The following C2orf42 variants were observed in gnomAD, a reference collection of about 807,000 sequenced individuals.
C2orf42 encodes uncharacterized protein C2orf42.
Under a neutral mutation model 58.9 loss-of-function variants are expected in C2orf42, and 44 were observed. The observed-to-expected ratio is 0.75, with a 90% CI of 0.59 to 0.96. C2orf42 has a LOEUF of 0.96. Ranked by LOEUF, C2orf42 falls within the 40% of genes least tolerant of loss-of-function variation. The probability of loss-of-function intolerance (pLI) is 0.00; values close to 1 mark genes in which losing one functional copy is unlikely to be tolerated. For missense variants in C2orf42, 630 were observed against 699.2 expected, an observed-to-expected ratio of 0.90 and a Z score of 1.12; for synonymous variants, 239 against 265.4, an observed-to-expected ratio of 0.90 and a Z score of 0.97.
In C2orf42 at chr2:70,181,714, T is replaced by TC. The variant is rs1167550144; in HGVS notation, c.271dup (p.Glu91GlyfsTer96). 1 of 1,614,142 alleles carries TC rather than the reference T, an allele frequency of 6.2e-7. No individual in the cohort carries two copies. The highest frequency in any genetic ancestry group is 8.5e-7 in the Non-Finnish European group (1 of 1,180,034). ...GATTGTTGTCTCTGAAACCCCGAGCTCCACAAAGCATCGGTAATCAGGGCC... is the reference window on the plus strand; with the variant it reads ...GATTGTTGTCTCTGAAACCCCGAGCTCCCACAAAGCATCGGTAATCAGGGCC... On this transcript the variant is annotated frameshift_variant, in exon 3 of 10. Coordinates refer to ENST00000264434, the MANE Select transcript of C2orf42 (RefSeq NM_017880.3). LOFTEE classifies it high-confidence loss of function.
In C2orf42 at chr2:70,165,205, A is replaced by C. The variant is rs1176713561; in HGVS notation, c.1253-13T>G. On this transcript the variant is annotated splice_polypyrimidine_tract_variant and intron_variant, in intron 7 of 9. Coordinates refer to ENST00000264434, the MANE Select transcript of C2orf42 (RefSeq NM_017880.3). ...TTCCGAACAAAAGCTTCAACGTGAA[A>C]AAAGGACAAAATTAGATTACCAAAA... 5 of 1,490,520 alleles carry C rather than the reference A, an allele frequency of 3.4e-6. No homozygotes were observed. The African/African-American group carries it at 7.0e-5, about 21-fold the overall frequency. 92.3% of individuals were successfully genotyped at this position (1,490,520 alleles called of 1,614,324 possible). A position where few individuals can be genotyped will look rare whatever the true frequency, so the allele number is the denominator to read the frequency against.
At position 70,155,896 on chromosome 2, in the gene C2orf42, C is replaced by G. The variant is rs564886588; in HGVS notation, c.1516+4729G>C. Among the ~76,000 whole-genome samples, 143 of 152,226 alleles carry G rather than the reference C, an allele frequency of 9.4e-4. 1 individual carries two copies. Among genetic ancestry groups the G allele is most frequent in the African/African-American group, 3.2e-3 (135 of 41,546 alleles). Reference sequence around the variant, plus strand: ...ACTGGCCGAGTGCAGTGGCTCATGCCTATAATCCCAGCACTTTGGGAGGCT... The same window carrying G: ...ACTGGCCGAGTGCAGTGGCTCATGCGTATAATCCCAGCACTTTGGGAGGCT... On this transcript the variant is annotated intron_variant, in intron 9 of 9. Coordinates refer to ENST00000264434, the MANE Select transcript of C2orf42 (RefSeq NM_017880.3).
intron 4 of C2orf42, among the ~76,000 whole-genome samples, chr2:70,177,090 G>A (rs1674241200): frequency 6.6e-6 from 1 of 151,918 alleles, no homozygotes; most frequent in Admixed American, 6.6e-5. Flanking sequence ...TGGCCAACAT[G>A]GTGAAACCTC....
intron 9 of C2orf42, among the ~76,000 whole-genome samples, chr2:70,155,524 T>A (rs2104834132): frequency 6.6e-6 from 1 of 151,666 alleles, no homozygotes; most frequent in African/African-American, 2.4e-5. Flanking sequence ...TTAGGCCGGG[T>A]GTGGTGGCTC....
chr2:70,183,637 C>G (rs906036102), intron 1 of C2orf42, among the ~76,000 whole-genome samples: 1 of 150,642 alleles, frequency 6.6e-6, no homozygotes, highest in African/African-American at 2.4e-5. Flanking sequence ...CACTGTGTTT[C>G]GATCTCCTGA....
intron 9 of C2orf42, among the ~76,000 whole-genome samples, chr2:70,153,660 A>G (rs1008021927): frequency 7.3e-6 from 1 of 137,348 alleles, no homozygotes; most frequent in Non-Finnish European, 1.5e-5. Context: ...ATAAGTAAAG[A>G]AAAGAACAGG....
At chr2:70,170,741 G>C (rs1400642189) in intron 5 of C2orf42, among the ~76,000 whole-genome samples, 1 of 138,924 alleles carries the variant, frequency 7.2e-6, no homozygotes, top group Non-Finnish European at 1.5e-5. Flanking sequence ...GCAAGAGTGA[G>C]ACTCTAAAAA....
chr2:70,175,534 G>A (rs1485721278), intron 5 of C2orf42, 139 bp downstream of exon 5: 1 of 695,024 alleles, frequency 1.4e-6, no homozygotes, highest in Non-Finnish European at 2.6e-6. Context: ...TGGTGGGACA[G>A]GAGGGACCTC....
In C2orf42 at chr2:70,150,234, C is replaced by T; in HGVS notation, c.*122G>A. 1.3e-6 allele frequency: 1 copy of T among 760,392 alleles called. No individual in the cohort carries two copies. Among genetic ancestry groups the T allele is most frequent in the Middle Eastern group, 3.8e-4 (1 of 2,604 alleles). The allele number at this position is 760,392 out of a possible 1,614,324, so 47.1% of individuals were successfully genotyped here. Reference sequence around the variant, plus strand: ...TCCACTTGAAAGCACTGAGAATTTGCATCTTAGCTAAGAGCAGTTTACCAA... The same window carrying T: ...TCCACTTGAAAGCACTGAGAATTTGTATCTTAGCTAAGAGCAGTTTACCAA... On this transcript the variant is annotated 3_prime_UTR_variant, in exon 10 of 10. Transcript: ENST00000264434.
chr2:70,176,318 C>T (rs1030259233), intron 4 of C2orf42, among the ~76,000 whole-genome samples: 18 of 152,046 alleles, frequency 1.2e-4, no homozygotes, highest in Admixed American at 6.6e-4. Context: ...TCCTGGCTAA[C>T]ATGGTGAAAC....
chr2:70,158,166 T>A (rs1572972962), intron 9 of C2orf42, among the ~76,000 whole-genome samples: 1 of 146,510 alleles, frequency 6.8e-6, no homozygotes, highest in African/African-American at 2.5e-5. Context: ...ACTGCTGCAC[T>A]CCAGCCTGAG....
intron 1 of C2orf42, among the ~76,000 whole-genome samples, chr2:70,183,803 T>TA (rs1674744739): frequency 1.3e-5 from 2 of 151,334 alleles, no homozygotes; most frequent in Non-Finnish European, 2.9e-5. Context: ...CTAATAGTAA[T>TA]ACATCACATT....
At chr2:70,167,777 C>T (rs1453574392) in intron 6 of C2orf42, among the ~76,000 whole-genome samples, 1 of 151,806 alleles carries the variant, frequency 6.6e-6, no homozygotes, top group Non-Finnish European at 1.5e-5. Context: ...AGGTAAAACA[C>T]ACACACTCAT....
At chr2:70,175,624 T>C (rs1674135373) in intron 5 of C2orf42, 49 bp downstream of exon 5, 2 of 1,077,480 alleles carry the variant, frequency 1.9e-6, no homozygotes, top group Non-Finnish European at 2.9e-6. Context: ...CTGGCTTCTT[T>C]AGGATGACTT....
intron 9 of C2orf42, among the ~76,000 whole-genome samples, chr2:70,152,806 G>A (rs1039523922): frequency 6.6e-6 from 1 of 152,132 alleles, no homozygotes; most frequent in Non-Finnish European, 1.5e-5. Context: ...AGGCCAAGCC[G>A]GGCAGATCAT....
chr2:70,175,775 C>A lies in C2orf42; in HGVS notation c.937G>T (p.Ala313Ser). The change falls in exon 5 of 10, where the codon GCA (alanine) becomes TCA (serine). Residue 313 changes from alanine to serine, a missense_variant and splice_region_variant. Transcript: ENST00000264434. ...GGCAGTAGTGAACTGTTCATCTGTG[C>A]ACCTAAACCACAAATCATTACAGGT... Reference protein sequence around the residue: ...KKRRKDEVSGAQMNSSLLPQD... With the variant: ...KKRRKDEVSGSQMNSSLLPQD... The A allele has an allele frequency of 6.4e-7, 1 of 1,574,426 alleles. No homozygotes were observed. Among genetic ancestry groups the A allele is most frequent in the South Asian group, 1.1e-5 (1 of 90,256 alleles).
chr2:70,155,933 A>G (rs1272750055), intron 9 of C2orf42, among the ~76,000 whole-genome samples: 1 of 152,218 alleles, frequency 6.6e-6, no homozygotes, highest in Admixed American at 6.6e-5. Context: ...AGGCGGGCAG[A>G]TCACCTGAGG....
At chr2:70,158,901 T>G (rs1672873739) in intron 9 of C2orf42, among the ~76,000 whole-genome samples, 1 of 50,534 alleles carries the variant, frequency 2.0e-5, no homozygotes, top group African/African-American at 1.4e-4. Context: ...CGAGTATTCC[T>G]TTTTTTTTTT....
At chr2:70,170,754 A>AAAAAG in intron 5 of C2orf42, among the ~76,000 whole-genome samples, 1 of 150,686 alleles carries the variant, frequency 6.6e-6, no homozygotes, top group Admixed American at 6.6e-5. Flanking sequence ...TCTAAAAAAA[A>AAAAAG]AAAAAGAAAA....
Sources: allele counts gnomAD v4.1 joint callset (sites outside exome capture counted in the v4.1 genomes callset), GRCh38; gene constraint gnomAD v4.1.1; transcripts MANE v1.5; gene names NCBI Gene and HGNC (gene_info 2026-07-23, HGNC 2026-07-21).